TNFAIP8L3: variants seen among roughly 807,000 people sequenced by gnomAD.
TNFAIP8L3 encodes the protein tumor necrosis factor alpha-induced protein 8-like protein 3.
In TNFAIP8L3, 7 loss-of-function variants were observed where a neutral mutation model predicts 11.8. That is an observed-to-expected ratio of 0.59 (90% CI 0.34 to 1.11). TNFAIP8L3 has a LOEUF of 1.11. Ranked by LOEUF, TNFAIP8L3 falls within the 50% of genes most tolerant of loss-of-function variation. The pLI is 0.03. For synonymous variants in TNFAIP8L3, 98 were observed against 103.8 expected (o/e 0.94, Z 0.34); for missense variants, 219 against 258.6 (o/e 0.85, Z 1.05).
intron 1 of TNFAIP8L3, among the ~76,000 whole-genome samples, chr15:51,090,942 T>A (rs557058768): frequency 1.3e-5 from 2 of 150,770 alleles, no homozygotes; most frequent in African/African-American, 4.8e-5. Flanking sequence ...GGGAAAAAAC[T>A]GACGTCGCTG....
chr15:51,085,488 G>A (rs917222997), intron 1 of TNFAIP8L3, among the ~76,000 whole-genome samples: 40 of 152,330 alleles, frequency 2.6e-4, no homozygotes, highest in Non-Finnish European at 5.7e-4. Context: ...TGTGGCAAAT[G>A]GGCCCAGGAT....
chr15:51,067,694 A>G (rs2065281156), intron 1 of TNFAIP8L3, among the ~76,000 whole-genome samples: 1 of 152,140 alleles, frequency 6.6e-6, no homozygotes, highest in African/African-American at 2.4e-5. Context: ...GCATATGTTT[A>G]TGTGTGCTTG....
chr15:51,090,216 C>A (rs2065458153), intron 1 of TNFAIP8L3, among the ~76,000 whole-genome samples: 1 of 152,206 alleles, frequency 6.6e-6, no homozygotes, highest in African/African-American at 2.4e-5. Flanking sequence ...TCCTTCAACT[C>A]TCCCTCTCCT....
At chr15:51,099,614 GTGGCATTCATTT>G (rs1203593868), upstream of TNFAIP8L3, among the ~76,000 whole-genome samples, 1 of 152,128 alleles carries the variant, frequency 6.6e-6, no homozygotes, top group African/African-American at 2.4e-5. Flanking sequence ...GATCTCACTT[GTGGCATTCATTT>G]TGGCTATGGG....
intron 1 of TNFAIP8L3, among the ~76,000 whole-genome samples, chr15:51,103,817 G>T (rs1226429773): frequency 2.6e-5 from 4 of 152,132 alleles, no homozygotes; most frequent in East Asian, 1.9e-4. Context: ...GATGAAATTC[G>T]TAAGTCCAAG....
chr15:51,090,179 C>T (rs970022091), intron 1 of TNFAIP8L3, among the ~76,000 whole-genome samples: 1 of 152,200 alleles, frequency 6.6e-6, no homozygotes, highest in African/African-American at 2.4e-5. Context: ...CTCCAGAGAA[C>T]GTTACCCAAC....
At chr15:51,079,095 C>T (rs2065374615) in intron 1 of TNFAIP8L3, among the ~76,000 whole-genome samples, 1 of 152,234 alleles carries the variant, frequency 6.6e-6, no homozygotes, top group Non-Finnish European at 1.5e-5. Context: ...ACTGAACTGA[C>T]ATCTGTCTTC....
At chr15:51,093,379 A>C (rs186692528) in intron 1 of TNFAIP8L3, among the ~76,000 whole-genome samples, 1 of 152,130 alleles carries the variant, frequency 6.6e-6, no homozygotes, top group Non-Finnish European at 1.5e-5. Flanking sequence ...CCTTTACTCT[A>C]TGGGAATCTC....
At chr15:51,067,573 G>A (rs1416517237) in intron 1 of TNFAIP8L3, among the ~76,000 whole-genome samples, 2 of 152,254 alleles carry the variant, frequency 1.3e-5, no homozygotes, top group Admixed American at 1.3e-4. Context: ...GGGCCCCACT[G>A]TTGTGTGGCA....
At chr15:51,103,500 G>T (rs760289693) in intron 1 of TNFAIP8L3, among the ~76,000 whole-genome samples, 3 of 152,162 alleles carry the variant, frequency 2.0e-5, no homozygotes, top group Non-Finnish European at 4.4e-5. Flanking sequence ...CTAGTTTTTA[G>T]ATCTTGCCAA....
chr15:51,094,769 G>GGCGGCAGCGGCCAGGGGGCGGCT lies in TNFAIP8L3; in HGVS notation c.-175_-174insAGCCGCCCCCTGGCCGCTGCCGC. 2 of 749,872 alleles carry GGCGGCAGCGGCCAGGGGGCGGCT rather than the reference G, an allele frequency of 2.7e-6. No homozygotes were observed. The highest frequency in any genetic ancestry group is 2.9e-6 in the Non-Finnish European group (2 of 686,492). The allele number at this position is 749,872 out of a possible 1,614,324, so 46.5% of individuals were successfully genotyped here. ...AGGGGGCGGCTCCGCAGAGGCGAGC[G>GGCGGCAGCGGCCAGGGGGCGGCT]CCGCCGCGCCCCGCTCCCCGCGCCC... On this transcript the variant is annotated 5_prime_UTR_variant, in exon 1 of 2. Coordinates refer to ENST00000637513, the MANE Select transcript of TNFAIP8L3 (RefSeq NM_001311175.2). This position sits in a 1 kb window ranked among gnomAD's most constrained non-coding sequence, Gnocchi z 4.4.
intron 1 of TNFAIP8L3, among the ~76,000 whole-genome samples, chr15:51,093,230 T>C (rs2065485489): frequency 1.3e-5 from 2 of 152,338 alleles, no homozygotes; most frequent in South Asian, 4.1e-4. Context: ...ACACGCATCT[T>C]GGCATTTCCT....
At chr15:51,078,592 C>A (rs190876398) in intron 1 of TNFAIP8L3, among the ~76,000 whole-genome samples, 100 of 152,140 alleles carry the variant, frequency 6.6e-4, no homozygotes, top group Admixed American at 4.2e-3. Context: ...CATGGACTGA[C>A]CCCTGCCCCG....
chr15:51,071,050 CAAAAAAAAA>C (rs55991711), intron 1 of TNFAIP8L3, among the ~76,000 whole-genome samples: 1 of 31,782 alleles, frequency 3.1e-5, no homozygotes, highest in African/African-American at 1.2e-4. Flanking sequence ...GACTCCGTCT[CAAAAAAAAA>C]AAAAAAAAAA....
chr15:51,086,776 G>A (rs879784708), intron 1 of TNFAIP8L3, among the ~76,000 whole-genome samples: 10 of 152,128 alleles, frequency 6.6e-5, no homozygotes, highest in Non-Finnish European at 1.5e-4. Context: ...AATTAATATA[G>A]GATAAATAAA....
intron 1 of TNFAIP8L3, among the ~76,000 whole-genome samples, chr15:51,101,634 A>G (rs985269394): frequency 1.5e-4 from 23 of 151,344 alleles, no homozygotes; most frequent in African/African-American, 4.9e-4. Flanking sequence ...ACAAAAAAAA[A>G]AAAGAAAGAA....
upstream of TNFAIP8L3, among the ~76,000 whole-genome samples, chr15:51,098,456 G>A (rs189986092): frequency 1.8e-4 from 28 of 152,170 alleles, no homozygotes; most frequent in African/African-American, 6.3e-4. Context: ...CTTCTACCCA[G>A]AGCTGAGGGG....
intron 1 of TNFAIP8L3, among the ~76,000 whole-genome samples, chr15:51,077,986 C>A (rs1378951825): frequency 6.6e-6 from 1 of 152,224 alleles, no homozygotes; most frequent in Non-Finnish European, 1.5e-5. Context: ...CCCGTTTTAG[C>A]TGAACTAAGG....
intron 1 of TNFAIP8L3, among the ~76,000 whole-genome samples, chr15:51,068,142 G>A (rs1019375555): frequency 1.3e-5 from 2 of 152,250 alleles, no homozygotes; most frequent in Non-Finnish European, 2.9e-5. Flanking sequence ...CTAGGTGACA[G>A]GGAGAGAGCA....
Sources: allele counts gnomAD v4.1 joint callset (sites outside exome capture counted in the v4.1 genomes callset), GRCh38; gene constraint gnomAD v4.1.1; non-coding constraint Gnocchi (gnomAD v3.1); transcripts MANE v1.5; gene names NCBI Gene and HGNC (gene_info 2026-07-23, HGNC 2026-07-21).